ZNF507: variants seen among roughly 807,000 people sequenced by gnomAD.
ZNF507 encodes the protein zinc finger protein 507.
In ZNF507, 29 loss-of-function variants were observed where a neutral mutation model predicts 80.0. The ratio of observed to expected loss-of-function variants is 0.36; its 90% CI spans 0.27 to 0.49. ZNF507 has a LOEUF of 0.49. Ranked by LOEUF, ZNF507 falls within the 20% of genes least tolerant of loss-of-function variation. The pLI is 0.98. For missense variants in ZNF507, 1,081 were observed against 1,152.2 expected (o/e 0.94, Z 0.90); for synonymous variants, 462 against 422.5 (o/e 1.09, Z -1.15).
chr19:32,377,156 T>C (rs543566551), intron 5 of ZNF507, among the ~76,000 whole-genome samples: 2 of 152,112 alleles, frequency 1.3e-5, no homozygotes, highest in African/African-American at 4.8e-5. Context: ...AGTAGAGTCT[T>C]CTCTAAACTC....
intron 5 of ZNF507, among the ~76,000 whole-genome samples, chr19:32,378,621 C>T (rs1027274939): frequency 2.1e-4 from 30 of 145,598 alleles, no homozygotes; most frequent in African/African-American, 6.9e-4. Flanking sequence ...ATACCTGTAA[C>T]TATTCTAAAA....
At chr19:32,378,595 C>G (rs974334000) in intron 5 of ZNF507, among the ~76,000 whole-genome samples, 3 of 151,106 alleles carry the variant, frequency 2.0e-5, no homozygotes, top group African/African-American at 7.3e-5. Flanking sequence ...AATAACTTTT[C>G]TATATATCTG....
At chr19:32,372,235 T>C (rs980800906) in intron 5 of ZNF507, among the ~76,000 whole-genome samples, 2 of 152,182 alleles carry the variant, frequency 1.3e-5, no homozygotes, top group African/African-American at 4.8e-5. Flanking sequence ...GATCTACATA[T>C]GTACATTAAA....
rs1464774680 is a variant in ZNF507, at chr19:32,354,192, G to C, written c.1362G>C (p.Leu454Phe). 6.2e-7 allele frequency: 1 copy of C among 1,613,522 alleles called. No individual in the cohort carries two copies. The highest frequency in any genetic ancestry group is 1.1e-5 in the South Asian group (1 of 91,074). ...ADKCTVDIGG[L>F]IIGWSSSEKK... is the part of the protein sequence containing the mutation. The stretch of plus-strand genomic sequence containing the variant: ...AATGTACTGTTGATATTGGGGGATT[G>C]ATCATAGGCTGGAGCAGTTCAGAGA... The change falls in exon 3 of 7, where the codon TTG becomes TTC. Residue 454 changes from leucine to phenylalanine, a missense_variant. Transcript: ENST00000355898.
At position 32,354,821 on chromosome 19, in the gene ZNF507, G is replaced by C. The variant is rs143809236; in HGVS notation, c.1991G>C (p.Arg664Pro). ...ATCAAGCAGCACTTACGAGTCCATCGACAGAGACAGCCTTATCAGTGTCCT... is the reference window on the plus strand; with the variant it reads ...ATCAAGCAGCACTTACGAGTCCATCCACAGAGACAGCCTTATCAGTGTCCT... ...GYIKQHLRVH[R>P]QRQPYQCPIC... Residue 664 changes from arginine (R) to proline (P), a missense_variant, in exon 3 of 7, where the codon CGA becomes CCA. This residue lies in a region of ZNF507 where 614 missense variants were observed against 583.9 expected (regional missense o/e 1.05). Transcript: ENST00000355898. The C allele has an allele frequency of 6.2e-7, 1 of 1,613,998 alleles. No individual in the cohort carries two copies. The highest frequency in any genetic ancestry group is 1.3e-5 in the African/African-American group (1 of 74,888).
At chr19:32,356,454 T>A (rs1967253341) in intron 3 of ZNF507, among the ~76,000 whole-genome samples, 162 bp from the exon 4 acceptor site, 1 of 152,240 alleles carries the variant, frequency 6.6e-6, no homozygotes, top group South Asian at 2.1e-4. Flanking sequence ...CTTCTTTCTA[T>A]AAATTGTCAA....
chr19:32,363,695 C>T (rs1967360267), intron 5 of ZNF507, among the ~76,000 whole-genome samples: 1 of 152,224 alleles, frequency 6.6e-6, no homozygotes, highest in African/African-American at 2.4e-5. Flanking sequence ...CTGGTAGTTA[C>T]TGGGCCCAGC....
At chr19:32,373,738 C>A (rs146030259) in intron 5 of ZNF507, among the ~76,000 whole-genome samples, 2 of 152,328 alleles carry the variant, frequency 1.3e-5, no homozygotes, top group East Asian at 3.9e-4. Context: ...TTTATTTGTT[C>A]TAGAATTCAT....
chr19:32,381,452 T>C (rs796414438), intron 5 of ZNF507, among the ~76,000 whole-genome samples: 2 of 151,934 alleles, frequency 1.3e-5, no homozygotes, highest in Non-Finnish European at 2.9e-5. Flanking sequence ...ATATGAAAAT[T>C]AGGCAGGCGT....
Position 32,383,165 on chromosome 19 carries a change from C to T in ZNF507, c.*82C>T. 2 of 1,500,808 alleles carry T rather than the reference C, an allele frequency of 1.3e-6. No homozygotes were observed. The highest frequency in any genetic ancestry group is 1.8e-6 in the Non-Finnish European group (2 of 1,119,374). 93.0% of individuals were successfully genotyped at this position (1,500,808 alleles called of 1,614,324 possible). A position where few individuals can be genotyped will look rare whatever the true frequency, so the allele number is the denominator to read the frequency against. On this transcript the variant is annotated 3_prime_UTR_variant, in exon 7 of 7. Coordinates refer to ENST00000355898, the MANE Select transcript of ZNF507 (RefSeq NM_001136156.2). ...CACCTTTACGCTGTCAGACAACTTC[C>T]TGCCACAGAAGAAGTCGTTGATGTG...
rs960753900 is a variant in ZNF507, at chr19:32,383,600, T to C, written c.*517T>C. The C allele has an allele frequency of 6.5e-6, 1 of 153,572 alleles. No individual in the cohort carries two copies. The highest frequency in any genetic ancestry group is 2.4e-5 in the African/African-American group (1 of 41,436). The allele number at this position is 153,572 out of a possible 1,614,324, so 9.5% of individuals were successfully genotyped here. A position where few individuals can be genotyped will look rare whatever the true frequency, so the allele number is the denominator to read the frequency against. ...ACAAGGAAACATAATTAGAGGGCTT[T>C]GAAATGATCTACTGAAATACCTAAA... On this transcript the variant is annotated 3_prime_UTR_variant, in exon 7 of 7. Transcript: ENST00000355898.
intron 1 of ZNF507, among the ~76,000 whole-genome samples, chr19:32,346,935 T>C (rs933933147): frequency 6.6e-6 from 1 of 152,236 alleles, no homozygotes; most frequent in Non-Finnish European, 1.5e-5. Flanking sequence ...TCCATTCTCA[T>C]TAGAAAATGT....
In ZNF507 at chr19:32,354,478, T is replaced by G; in HGVS notation, c.1648T>G (p.Ser550Ala). 7 of 1,614,162 alleles carry G rather than the reference T, an allele frequency of 4.3e-6. No homozygotes were observed. Among genetic ancestry groups the G allele is most frequent in the Non-Finnish European group, 5.9e-6 (7 of 1,180,034 alleles). Reference protein sequence around the residue: ...YSKMMSPLKNSSDGLTSLNQS... With the variant: ...YSKMMSPLKNASDGLTSLNQS... Reference sequence around the variant, plus strand: ...AAAAATGATGTCGCCACTTAAAAACTCTTCAGATGGATTAACTAGTCTTAA... The same window carrying G: ...AAAAATGATGTCGCCACTTAAAAACGCTTCAGATGGATTAACTAGTCTTAA... Residue 550 changes from serine (S) to alanine (A), a missense_variant, in exon 3 of 7, where the codon TCT becomes GCT. Physicochemically the swap from Ser to Ala is moderately conservative, Grantham distance 99. Around this residue, in one of 6 missense-constraint regions of ZNF507, gnomAD observed 614 missense variants for 583.9 expected, o/e 1.05. Transcript: ENST00000355898.
In ZNF507 at chr19:32,386,973, T is replaced by C. The variant is rs1967698034; in HGVS notation, c.*3890T>C. 1.3e-5 allele frequency: 2 copies of C among 152,260 alleles called. No individual in the cohort carries two copies. Among genetic ancestry groups the C allele is most frequent in the Admixed American group, 6.5e-5 (1 of 15,284 alleles). The allele number at this position is 152,260 out of a possible 1,614,324, so 9.4% of individuals were successfully genotyped here. A position where few individuals can be genotyped will look rare whatever the true frequency, so the allele number is the denominator to read the frequency against. On this transcript the variant is annotated 3_prime_UTR_variant, in exon 7 of 7. Transcript: ENST00000355898. ...CCCAAGAGTTAAATGAAGGTTATGA[T>C]GACTCTTGATAACTTGTTAATCTGT...
intron 5 of ZNF507, among the ~76,000 whole-genome samples, chr19:32,363,448 T>G (rs1234156341): frequency 1.3e-5 from 2 of 152,222 alleles, no homozygotes; most frequent in African/African-American, 4.8e-5. Context: ...ATTCCAGTCC[T>G]TCAATGACCC....
intron 5 of ZNF507, among the ~76,000 whole-genome samples, chr19:32,372,365 C>T (rs932904089): frequency 2.6e-5 from 4 of 152,030 alleles, no homozygotes; most frequent in African/African-American, 7.2e-5. Flanking sequence ...AAAGAGAGAG[C>T]GTTTGCTGAC....
intron 5 of ZNF507, among the ~76,000 whole-genome samples, chr19:32,380,305 A>G (rs1967606649): frequency 1.3e-5 from 2 of 152,130 alleles, no homozygotes; most frequent in Admixed American, 1.3e-4. Context: ...GCAGTGAGCC[A>G]TGATTCCACC....
chr19:32,378,202 A>G lies in ZNF507; in HGVS notation c.2361-4265A>G, dbSNP rs1568309773. On this transcript the variant is annotated intron_variant, in intron 5 of 6. Coordinates refer to ENST00000355898, the MANE Select transcript of ZNF507 (RefSeq NM_001136156.2). Reference sequence around the variant, plus strand: ...ACCCCATCTCTACTAAAAATGCAAAAATTAGCCAGGCGTGGTGGCACACAC... The same window carrying G: ...ACCCCATCTCTACTAAAAATGCAAAGATTAGCCAGGCGTGGTGGCACACAC... 2.6e-5 allele frequency among the ~76,000 whole-genome samples: 4 copies of G among 151,954 alleles called. No homozygotes were observed. In the South Asian group the frequency reaches 8.3e-4, roughly 31 times the overall value.
Position 32,352,872 on chromosome 19 carries a change from T to G in ZNF507, c.42T>G (p.Ile14Met). 1 of 1,598,576 alleles carries G rather than the reference T, an allele frequency of 6.3e-7. No individual in the cohort carries two copies. Among genetic ancestry groups the G allele is most frequent in the Non-Finnish European group, 8.5e-7 (1 of 1,175,426 alleles). Reference protein sequence around the residue: ...SSSVAMLVPDIGEQEAILTAE... With the variant: ...SSSVAMLVPDMGEQEAILTAE... ...GTGTTGCCATGTTGGTGCCAGATAT[T>G]GGGGAACAGGAAGCTATACTGACTG... Residue 14 changes from isoleucine to methionine, a missense_variant, in exon 3 of 7, where the codon ATT becomes ATG. Transcript: ENST00000355898.
Sources: allele counts gnomAD v4.1 joint callset (sites outside exome capture counted in the v4.1 genomes callset), GRCh38; gene constraint gnomAD v4.1.1; regional missense constraint gnomAD v4.1.1; transcripts MANE v1.5; gene names NCBI Gene and HGNC (gene_info 2026-07-23, HGNC 2026-07-21).